The following CACNA2D3 variants were observed in gnomAD, a reference collection of about 807,000 sequenced individuals.
The protein encoded by CACNA2D3 is calcium voltage-gated channel auxiliary subunit alpha2delta 3, also known as voltage-dependent calcium channel subunit alpha-2/delta-3.
A neutral mutation model predicts 160.6 loss-of-function variants in CACNA2D3; 60 were observed. The observed-to-expected ratio is 0.37, with a 90% CI of 0.30 to 0.46. The LOEUF (loss-of-function observed/expected upper bound fraction) is 0.46, where lower values mean the gene tolerates loss of function less well. Among genes scored for constraint, CACNA2D3 ranks in the 20% least tolerant of loss-of-function variants. The pLI is 1.00. For missense variants in CACNA2D3, 1,205 were observed against 1,365.0 expected (o/e 0.88, Z 1.85); for synonymous variants, 558 against 492.9 (o/e 1.13, Z -1.75).
chr3:54,512,085 G>T (rs1376331760), intron 5 of CACNA2D3, among the ~76,000 whole-genome samples: 1 of 152,178 alleles, frequency 6.6e-6, no homozygotes, highest in East Asian at 1.9e-4. Flanking sequence ...GCCTTGCTGA[G>T]GGAAATGCAG....
At chr3:54,711,470 G>A (rs1291441179) in intron 11 of CACNA2D3, among the ~76,000 whole-genome samples, 1 of 152,184 alleles carries the variant, frequency 6.6e-6, no homozygotes, top group African/African-American at 2.4e-5. Context: ...AGCAGTTTGA[G>A]GAGACACCAG....
intron 13 of CACNA2D3, among the ~76,000 whole-genome samples, chr3:54,804,792 T>G (rs1266476926): frequency 6.6e-6 from 1 of 152,166 alleles, no homozygotes; most frequent in Non-Finnish European, 1.5e-5. Context: ...ATTGACCACA[T>G]AGTTGGAAGT....
chr3:55,005,801 T>G lies in CACNA2D3; in HGVS notation c.2766+963T>G, dbSNP rs540787152. On this transcript the variant is annotated intron_variant, in intron 32 of 37. Coordinates refer to ENST00000474759, the MANE Select transcript of CACNA2D3 (RefSeq NM_018398.3). ...CCAGACATAGTGTACCTCTGGATAG[T>G]CTGTCACATGTGTTTAAATATAACC... is the stretch of plus-strand genomic sequence containing the variant. Among the ~76,000 whole-genome samples, 16 of 152,346 alleles carry G rather than the reference T, an allele frequency of 1.1e-4. No individual in the cohort carries two copies. In the East Asian group the frequency reaches 1.4e-3, roughly 13 times the overall value.
chr3:54,709,375 T>C (rs1486759515), intron 11 of CACNA2D3, among the ~76,000 whole-genome samples: 1 of 151,352 alleles, frequency 6.6e-6, no homozygotes, highest in Non-Finnish European at 1.5e-5. Context: ...TTTTTTTTTT[T>C]CTTAAAGAGA....
intron 4 of CACNA2D3, among the ~76,000 whole-genome samples, chr3:54,483,648 T>C (rs949303235): frequency 1.3e-5 from 2 of 152,206 alleles, no homozygotes; most frequent in African/African-American, 4.8e-5. Flanking sequence ...ACCACAAAAA[T>C]AAATAGGGAA....
At chr3:55,056,984 T>C (rs2107215079) in intron 35 of CACNA2D3, among the ~76,000 whole-genome samples, 1 of 152,292 alleles carries the variant, frequency 6.6e-6, no homozygotes, top group South Asian at 2.1e-4. Context: ...GTATTTGAGG[T>C]GATGGATTCT....
In CACNA2D3 at chr3:54,146,061, A is replaced by G. The variant is rs189573102; in HGVS notation, c.204+22467A>G. Among the ~76,000 whole-genome samples, 376 of 151,820 alleles carry G rather than the reference A, an allele frequency of 2.5e-3. 2 individuals are homozygous for G. The highest frequency in any genetic ancestry group is 4.0e-3 in the Non-Finnish European group (271 of 67,946). On this transcript the variant is annotated intron_variant, in intron 2 of 37. Transcript: ENST00000474759. Reference sequence around the variant, plus strand: ...TTCTAGAATTTCTATTATGGTTGTTATTGTTGTTGTTATTTAAATAGGTCT... The same window carrying G: ...TTCTAGAATTTCTATTATGGTTGTTGTTGTTGTTGTTATTTAAATAGGTCT...
intron 17 of CACNA2D3, among the ~76,000 whole-genome samples, chr3:54,867,980 G>A (rs933124533): frequency 2.0e-5 from 3 of 152,152 alleles, no homozygotes; most frequent in South Asian, 2.1e-4. Context: ...TTCCCTACAG[G>A]AAAACCGAGG....
At chr3:54,781,624 A>G (rs1022557125) in intron 13 of CACNA2D3, among the ~76,000 whole-genome samples, 9 of 152,170 alleles carry the variant, frequency 5.9e-5, no homozygotes, top group African/African-American at 1.9e-4. Flanking sequence ...GCAGTGAACA[A>G]TCCAAGCCAA....
chr3:54,822,025 C>G (rs1182948778), intron 14 of CACNA2D3, among the ~76,000 whole-genome samples: 8 of 152,134 alleles, frequency 5.3e-5, no homozygotes, highest in Non-Finnish European at 1.0e-4. Flanking sequence ...AAACTGAGAA[C>G]TGATAACTAT....
chr3:54,625,482 G>A (rs866349396), intron 9 of CACNA2D3, among the ~76,000 whole-genome samples: 1 of 152,140 alleles, frequency 6.6e-6, no homozygotes, highest in Non-Finnish European at 1.5e-5. Context: ...TGAAGACTCA[G>A]TTGCACTGTA....
Position 55,074,470 on chromosome 3 carries a change from A to G in CACNA2D3, c.*264A>G, listed in dbSNP as rs924972271. ...ACCCTTCATCAGAAATGGGACCGCAAGTGGTAGGCAGTGTCCCTTCTGCTT... is the reference window on the plus strand; with the variant it reads ...ACCCTTCATCAGAAATGGGACCGCAGGTGGTAGGCAGTGTCCCTTCTGCTT... On this transcript the variant is annotated 3_prime_UTR_variant, in exon 38 of 38. Transcript: ENST00000474759. The G allele has an allele frequency of 2.8e-5, 13 of 468,426 alleles. No homozygotes were observed. Among genetic ancestry groups the G allele is most frequent in the Non-Finnish European group, 5.0e-5 (13 of 260,386 alleles). 29.0% of individuals were successfully genotyped at this position (468,426 alleles called of 1,614,324 possible). A position where few individuals can be genotyped will look rare whatever the true frequency, so the allele number is the denominator to read the frequency against.
chr3:54,788,786 G>C (rs772743943), intron 13 of CACNA2D3, among the ~76,000 whole-genome samples: 4 of 152,156 alleles, frequency 2.6e-5, no homozygotes, highest in Non-Finnish European at 4.4e-5. Context: ...TTAAAGTGCT[G>C]ATACTGTGAA....
chr3:54,316,722 AG>A (rs1703870514), intron 2 of CACNA2D3, among the ~76,000 whole-genome samples: 2 of 152,208 alleles, frequency 1.3e-5, no homozygotes, highest in Admixed American at 1.3e-4. Flanking sequence ...CCGTAAAGCC[AG>A]GGGCTTCTGT....
At chr3:54,264,612 T>C (rs1341529724) in intron 2 of CACNA2D3, among the ~76,000 whole-genome samples, 2 of 152,224 alleles carry the variant, frequency 1.3e-5, no homozygotes, top group Admixed American at 6.5e-5. Context: ...ACATAGAGGA[T>C]GTTGGCCAGA....
intron 31 of CACNA2D3, among the ~76,000 whole-genome samples, chr3:54,990,359 T>C (rs1489944643): frequency 6.6e-6 from 1 of 152,126 alleles, no homozygotes. Flanking sequence ...GGTGAAACGC[T>C]GTCTCTACTA....
At chr3:54,865,502 T>C (rs1458163900) in intron 17 of CACNA2D3, among the ~76,000 whole-genome samples, 1 of 152,142 alleles carries the variant, frequency 6.6e-6, no homozygotes, top group Non-Finnish European at 1.5e-5. Context: ...CTCCTCTGAG[T>C]CTGTTGCAAC....
At chr3:54,731,484 G>T (rs1299077893) in intron 11 of CACNA2D3, among the ~76,000 whole-genome samples, 1 of 152,132 alleles carries the variant, frequency 6.6e-6, no homozygotes, top group Non-Finnish European at 1.5e-5. Context: ...CAAAATGTAA[G>T]CATGCTTTTC....
At chr3:54,749,587 T>A (rs1701820017) in intron 11 of CACNA2D3, among the ~76,000 whole-genome samples, 1 of 152,230 alleles carries the variant, frequency 6.6e-6, no homozygotes, top group Admixed American at 6.5e-5. Flanking sequence ...TATAAAATGC[T>A]ATTATTAAAT....
Sources: gnomAD v4.1 joint callset for allele counts (sites outside exome capture counted in the v4.1 genomes callset) on GRCh38, gnomAD v4.1.1 for gene constraint, MANE v1.5 for transcripts, NCBI Gene and HGNC (gene_info 2026-07-23, HGNC 2026-07-21) for gene names.